Variants in LIPN observed in about 807,000 individuals in gnomAD.
LIPN encodes lipase family member N.
LIPN carries 32 observed loss-of-function variants against 43.7 expected under a neutral mutation model. The observed-to-expected ratio is 0.73, with a 90% CI of 0.55 to 0.98. The LOEUF is 0.98. Among genes scored for constraint, LIPN ranks in the 50% least tolerant of loss-of-function variants. The pLI, the probability that LIPN is intolerant of heterozygous loss-of-function variation, is 0.00. For missense variants in LIPN, 505 were observed against 483.8 expected, an observed-to-expected ratio of 1.04 and a Z score of -0.41; for synonymous variants, 156 against 157.6, an observed-to-expected ratio of 0.99 and a Z score of 0.08.
At chr10:88,772,149 G>A (rs949105080) in intron 7 of LIPN, among the ~76,000 whole-genome samples, 3 of 149,972 alleles carry the variant, frequency 2.0e-5, no homozygotes, top group African/African-American at 7.4e-5. Context: ...TATATATTCT[G>A]GTTACTAATC....
chr10:88,770,643 C>T (rs1288021371), intron 6 of LIPN, among the ~76,000 whole-genome samples: 1 of 151,862 alleles, frequency 6.6e-6, no homozygotes, highest in South Asian at 2.1e-4. Context: ...AAGCATGGCT[C>T]TTTCCTAGAA....
intron 3 of LIPN, among the ~76,000 whole-genome samples, chr10:88,763,897 T>TAGGACTTG (rs1458647474): frequency 2.0e-5 from 3 of 152,016 alleles, no homozygotes; most frequent in Non-Finnish European, 2.9e-5. Context: ...GGAAGAGCTA[T>TAGGACTTG]AGGACTTGAG....
chr10:88,764,261 A>G, intron 3 of LIPN, 149 bp from the exon 4 acceptor site: 3 of 571,634 alleles, frequency 5.2e-6, no homozygotes, highest in Non-Finnish European at 9.1e-6. Flanking sequence ...TGACAAGGGA[A>G]AAGTGAAAAC....
At chr10:88,760,188 T>G (rs894534614) in intron 1 of LIPN, among the ~76,000 whole-genome samples, 82 bp downstream of exon 1, 21 of 151,198 alleles carry the variant, frequency 1.4e-4, no homozygotes, top group African/African-American at 5.1e-4. Context: ...AGCTCTGCAG[T>G]GAGGCTGCCT....
intron 4 of LIPN, among the ~76,000 whole-genome samples, chr10:88,765,690 A>G (rs1843083606): frequency 6.6e-6 from 1 of 151,866 alleles, no homozygotes. Context: ...CAGGAATACT[A>G]CTACTAACAA....
chr10:88,761,535 A>G, intron 2 of LIPN, 22 bp downstream of exon 2: 1 of 1,509,806 alleles, frequency 6.6e-7, no homozygotes, highest in Non-Finnish European at 9.2e-7. Flanking sequence ...AAAACTGTGA[A>G]GAACATCAAA....
At chr10:88,766,805 G>T (rs1404735639) in intron 5 of LIPN, among the ~76,000 whole-genome samples, 1 of 151,838 alleles carries the variant, frequency 6.6e-6, no homozygotes, top group Non-Finnish European at 1.5e-5. Flanking sequence ...AAAGGGAAGG[G>T]CTTATACCTA....
rs1843198712 is a variant in LIPN, at chr10:88,770,984, T to C, written c.812T>C (p.Met271Thr). Residue 271 changes from methionine (M) to threonine (T), a missense_variant, in exon 7 of 10, where the codon ATG becomes ACG. Physicochemically the swap from Met to Thr is moderately conservative, Grantham distance 81. Coordinates refer to ENST00000404459, the MANE Select transcript of LIPN (RefSeq NM_001102469.2). Reference sequence around the variant, plus strand: ...TGGGCTGGATCCAACAAGAAAAATATGAATCAGGTATGTATGATAATTATA... The same window carrying C: ...TGGGCTGGATCCAACAAGAAAAATACGAATCAGGTATGTATGATAATTATA... Reference protein sequence around the residue: ...SLWAGSNKKNMNQSRMDVYMS... With the variant: ...SLWAGSNKKNTNQSRMDVYMS... The C allele has an allele frequency of 3.8e-6, 6 of 1,570,904 alleles. No homozygotes were observed. Among genetic ancestry groups the C allele is most frequent in the African/African-American group, 2.7e-5 (2 of 73,926 alleles).
At chr10:88,765,549 T>C (rs893806181) in intron 4 of LIPN, among the ~76,000 whole-genome samples, 5 of 151,928 alleles carry the variant, frequency 3.3e-5, no homozygotes, top group Admixed American at 1.3e-4. Flanking sequence ...ATAAACAGGC[T>C]TCTAGCTTAT....
chr10:88,759,382 C>A (rs895851495), upstream of LIPN, among the ~76,000 whole-genome samples: 1 of 152,146 alleles, frequency 6.6e-6, no homozygotes, highest in Non-Finnish European at 1.5e-5. Flanking sequence ...AACTGAGGCA[C>A]GTGTGCCTCC....
chr10:88,777,921 G>A, intron 9 of LIPN, 88 bp from the exon 10 acceptor site: 1 of 733,222 alleles, frequency 1.4e-6, no homozygotes, highest in South Asian at 1.9e-5. Flanking sequence ...ACAGAACTAT[G>A]GCCATTGTCC....
At chr10:88,774,396 G>A (rs1183313194) in intron 7 of LIPN, 77 bp from the exon 8 acceptor site, 7 of 840,600 alleles carry the variant, frequency 8.3e-6, no homozygotes, top group Middle Eastern at 4.5e-4. Flanking sequence ...TGCTAATTCT[G>A]TGCATCATTT....
chr10:88,763,589 C>T (rs896434853), intron 3 of LIPN, among the ~76,000 whole-genome samples: 16 of 152,002 alleles, frequency 1.1e-4, no homozygotes, highest in Admixed American at 7.9e-4. Flanking sequence ...GTTAAGAGGC[C>T]TAAAGTCCAC....
chr10:88,774,955 TA>T, intron 8 of LIPN, 136 bp from the exon 9 acceptor site: 1 of 610,922 alleles, frequency 1.6e-6, no homozygotes, highest in Non-Finnish European at 2.9e-6. Flanking sequence ...GTCATAATTG[TA>T]AAATGGGTGG....
At chr10:88,772,010 A>G (rs1843217320) in intron 7 of LIPN, among the ~76,000 whole-genome samples, 1 of 151,884 alleles carries the variant, frequency 6.6e-6, no homozygotes, top group East Asian at 1.9e-4. Context: ...ATGATTAGTA[A>G]TGTTGAACAT....
intron 9 of LIPN, among the ~76,000 whole-genome samples, chr10:88,777,651 A>C (rs1326197557): frequency 6.6e-6 from 1 of 151,952 alleles, no homozygotes; most frequent in Non-Finnish European, 1.5e-5. Context: ...ATAGCCTACA[A>C]ACTCTTCCTG....
chr10:88,765,328 A>G (rs1843076162), intron 4 of LIPN, among the ~76,000 whole-genome samples: 1 of 151,958 alleles, frequency 6.6e-6, no homozygotes, highest in African/African-American at 2.4e-5. Flanking sequence ...TGATGCTAGA[A>G]CAGAGTGTGT....
rs418276 is a variant in LIPN at position 88,764,786 on chromosome 10, G to A, written c.425+178G>A. 0.24 allele frequency among the ~76,000 whole-genome samples: 36,051 copies of A among 151,768 alleles called. 4,434 individuals are homozygous for A. Among genetic ancestry groups the A allele is most frequent in the East Asian group, 0.37 (1,872 of 5,122 alleles). On this transcript the variant is annotated intron_variant, in intron 4 of 9. Coordinates refer to ENST00000404459, the MANE Select transcript of LIPN (RefSeq NM_001102469.2). The stretch of plus-strand genomic sequence containing the variant: ...CTGATTTTTCACTGATTCTCCCACA[G>A]GCAAAGTATGGCATTTCAACAAGAT...
chr10:88,771,232 CA>C (rs1403829245), intron 7 of LIPN, among the ~76,000 whole-genome samples: 5 of 151,678 alleles, frequency 3.3e-5, no homozygotes, highest in Non-Finnish European at 7.4e-5. Flanking sequence ...TTGGGATATC[CA>C]TCACCTCAAG....
Sources: allele counts gnomAD v4.1 joint callset (sites outside exome capture counted in the v4.1 genomes callset), GRCh38; gene constraint gnomAD v4.1.1; transcripts MANE v1.5; gene names NCBI Gene and HGNC (gene_info 2026-07-23, HGNC 2026-07-21).